ATXN7L1: variants seen among roughly 807,000 people sequenced by gnomAD.
ATXN7L1 encodes the protein ataxin 7 like 1.
Under a neutral mutation model 70.8 loss-of-function variants are expected in ATXN7L1, and 15 were observed. The ratio of observed to expected loss-of-function variants is 0.21; its 90% CI spans 0.14 to 0.33. The LOEUF is 0.33. Among genes scored for constraint, ATXN7L1 ranks in the 10% least tolerant of loss-of-function variants. The pLI, the probability that ATXN7L1 is intolerant of heterozygous loss-of-function variation, is 1.00. For synonymous variants in ATXN7L1, 440 were observed against 445.1 expected (o/e 0.99, Z 0.14); for missense variants, 975 against 1,097.1 (o/e 0.89, Z 1.57).
chr7:105,858,957 C>G (rs1816142666), intron 2 of ATXN7L1, among the ~76,000 whole-genome samples: 1 of 151,418 alleles, frequency 6.6e-6, no homozygotes, highest in Non-Finnish European at 1.5e-5. Flanking sequence ...GGACACTGTT[C>G]TAGATTAAAA....
chr7:105,876,532 C>A lies in ATXN7L1; in HGVS notation c.27G>T (p.Pro9=), dbSNP rs774968444. MTSERSRI[P]CLSAAAAEGT... Reference sequence around the variant, plus strand: ...CTTCGGCAGCAGCAGCCGAGAGACACGGGATTCGAGAACGCTCCGACGTCA... The same window carrying A: ...CTTCGGCAGCAGCAGCCGAGAGACAAGGGATTCGAGAACGCTCCGACGTCA... Residue 9 remains proline (P), a synonymous_variant, in exon 1 of 12, where the codon CCG becomes CCT. Coordinates refer to ENST00000419735, the MANE Select transcript of ATXN7L1 (RefSeq NM_020725.2). 2 of 1,389,116 alleles carry A rather than the reference C, an allele frequency of 1.4e-6. No homozygotes were observed. The highest frequency in any genetic ancestry group is 2.3e-5 in the South Asian group (2 of 88,454). 86.0% of individuals were successfully genotyped at this position (1,389,116 alleles called of 1,614,324 possible).
chr7:105,630,736 AAAT>A (rs1796472245), intron 7 of ATXN7L1, among the ~76,000 whole-genome samples: 4 of 151,818 alleles, frequency 2.6e-5, no homozygotes, highest in Non-Finnish European at 5.9e-5. Flanking sequence ...ATAAATAAAT[AAAT>A]AAATAAATAA....
chr7:105,853,510 C>T (rs776784258), intron 2 of ATXN7L1, among the ~76,000 whole-genome samples: 4 of 151,956 alleles, frequency 2.6e-5, no homozygotes, highest in Non-Finnish European at 5.9e-5. Context: ...GCAGAGATCG[C>T]ACCATTACAC....
intron 3 of ATXN7L1, among the ~76,000 whole-genome samples, chr7:105,666,225 C>T (rs1360112661): frequency 6.6e-6 from 1 of 152,196 alleles, no homozygotes; most frequent in Non-Finnish European, 1.5e-5. Context: ...GAAGGAATCC[C>T]AAACCCTAAA....
intron 2 of ATXN7L1, among the ~76,000 whole-genome samples, chr7:105,873,716 C>T (rs1231443611): frequency 2.0e-5 from 3 of 152,132 alleles, no homozygotes; most frequent in Non-Finnish European, 4.4e-5. Context: ...GTCCTTAATG[C>T]AAATATGTAT....
chr7:105,738,030 T>A (rs1797604865), intron 3 of ATXN7L1, among the ~76,000 whole-genome samples: 1 of 152,180 alleles, frequency 6.6e-6, no homozygotes, highest in Admixed American at 6.5e-5. Context: ...CAGACACGAA[T>A]AGGGATGAAG....
At chr7:105,646,800 T>A (rs1040374673) in intron 4 of ATXN7L1, among the ~76,000 whole-genome samples, 1 of 150,918 alleles carries the variant, frequency 6.6e-6, no homozygotes. Context: ...ATAAATAAGC[T>A]GGGCACGTTG....
intron 3 of ATXN7L1, among the ~76,000 whole-genome samples, chr7:105,725,361 C>T (rs1795682080): frequency 6.6e-6 from 1 of 152,180 alleles, no homozygotes. Context: ...TGACAAATTA[C>T]AGGACTGTTG....
chr7:105,749,829 A>G (rs1798986276), intron 3 of ATXN7L1, among the ~76,000 whole-genome samples: 1 of 151,776 alleles, frequency 6.6e-6, no homozygotes. Context: ...ATGACTGTAA[A>G]TCAACACAAT....
At chr7:105,759,161 CT>C (rs10708956) in intron 3 of ATXN7L1, among the ~76,000 whole-genome samples, 111,124 of 136,802 alleles carry the variant, frequency 0.81, 45,182 homozygotes, top group South Asian at 0.88. Context: ...TTTATTCTTA[CT>C]TTTTTTTTTT....
intron 2 of ATXN7L1, among the ~76,000 whole-genome samples, chr7:105,827,585 G>A (rs145829761): frequency 6.6e-6 from 1 of 152,178 alleles, no homozygotes; most frequent in African/African-American, 2.4e-5. Context: ...CTGCACAGAA[G>A]GCTGACTTTT....
intron 7 of ATXN7L1, among the ~76,000 whole-genome samples, chr7:105,637,340 A>G (rs984607524): frequency 3.9e-5 from 6 of 152,166 alleles, no homozygotes; most frequent in South Asian, 2.1e-4. Context: ...TTTTACGACT[A>G]TGTCCTCTTA....
intron 3 of ATXN7L1, among the ~76,000 whole-genome samples, chr7:105,729,430 C>CTT (rs34133732): frequency 2.3e-5 from 3 of 130,314 alleles, no homozygotes; most frequent in Non-Finnish European, 3.2e-5. Flanking sequence ...ATCCCTACTT[C>CTT]TTTTTTTTTT....
chr7:105,639,812 G>A (rs1317435872), intron 5 of ATXN7L1, among the ~76,000 whole-genome samples: 2 of 152,190 alleles, frequency 1.3e-5, no homozygotes, highest in Non-Finnish European at 2.9e-5. Context: ...CGGCAGCACC[G>A]CCGAACGCAG....
At chr7:105,659,356 G>C (rs1801216895) in intron 4 of ATXN7L1, among the ~76,000 whole-genome samples, 1 of 152,130 alleles carries the variant, frequency 6.6e-6, no homozygotes, top group Admixed American at 6.5e-5. Flanking sequence ...TTACTGACAC[G>C]AGTACCACGC....
At chr7:105,810,112 T>C (rs1262061030) in intron 2 of ATXN7L1, among the ~76,000 whole-genome samples, 4 of 152,328 alleles carry the variant, frequency 2.6e-5, no homozygotes, top group South Asian at 2.1e-4. Flanking sequence ...GTTCTTTCTG[T>C]ACAGTTTAAA....
chr7:105,763,843 T>G (rs142628252), intron 3 of ATXN7L1, among the ~76,000 whole-genome samples: 264 of 152,078 alleles, frequency 1.7e-3, no homozygotes, highest in East Asian at 0.012. Flanking sequence ...TAGTTTTTTT[T>G]TTGTTGTTGT....
intron 2 of ATXN7L1, among the ~76,000 whole-genome samples, chr7:105,850,484 C>T (rs77315409): frequency 1.1e-3 from 172 of 152,356 alleles, no homozygotes; most frequent in African/African-American, 4.0e-3. Flanking sequence ...CTTCCTTCAA[C>T]TTTGCCAACA....
chr7:105,757,399 A>G (rs1011658396), intron 3 of ATXN7L1, among the ~76,000 whole-genome samples: 1 of 152,182 alleles, frequency 6.6e-6, no homozygotes, highest in Non-Finnish European at 1.5e-5. Context: ...TTTATAGTAT[A>G]GATGGTAAGA....
Sources: gnomAD v4.1 joint callset for allele counts (sites outside exome capture counted in the v4.1 genomes callset) on GRCh38, gnomAD v4.1.1 for gene constraint, MANE v1.5 for transcripts, NCBI Gene and HGNC (gene_info 2026-07-23, HGNC 2026-07-21) for gene names.